Variants in PLCB1 observed in about 807,000 individuals in gnomAD.
PLCB1 encodes the protein 1-phosphatidylinositol 4,5-bisphosphate phosphodiesterase beta-1.
PLCB1 carries 46 observed loss-of-function variants against 161.8 expected under a neutral mutation model. That is an observed-to-expected ratio of 0.28 (90% CI 0.22 to 0.36). The LOEUF (loss-of-function observed/expected upper bound fraction) is 0.36. Ranked by LOEUF, PLCB1 falls within the 10% of genes least tolerant of loss-of-function variation. The probability of loss-of-function intolerance (pLI) is 1.00; values close to 1 mark genes in which losing one functional copy is unlikely to be tolerated. For synonymous variants in PLCB1, 517 were observed against 503.7 expected, an observed-to-expected ratio of 1.03 and a Z score of -0.35; for missense variants, 1,016 against 1,472.5, an observed-to-expected ratio of 0.69 and a Z score of 5.07.
intron 3 of PLCB1, among the ~76,000 whole-genome samples, chr20:8,385,971 C>G (rs1235559682): frequency 6.6e-6 from 1 of 152,216 alleles, no homozygotes; most frequent in Non-Finnish European, 1.5e-5. Context: ...GCCCTGCCTC[C>G]CCGTTCAAGT....
At position 8,786,499 on chromosome 20, in the gene PLCB1, C is replaced by T. The variant is rs927705131; in HGVS notation, c.3112-1950C>T. On this transcript the variant is annotated intron_variant, in intron 27 of 31. Coordinates refer to ENST00000338037, the MANE Select transcript of PLCB1 (RefSeq NM_015192.4). ...TTTTAAACGAATGTGGATTCCGTAT[C>T]GTAATTCTCTTGCAAGCCATGGAAC... Among the ~76,000 whole-genome samples, 20 of 152,212 alleles carry T rather than the reference C, an allele frequency of 1.3e-4. No individual in the cohort carries two copies. In the East Asian group the frequency reaches 3.7e-3, roughly 28 times the overall value.
rs372430821 is a variant in PLCB1, at chr20:8,857,447, A to T, written c.3424-24175A>T. On this transcript the variant is annotated intron_variant, in intron 31 of 31. Coordinates refer to ENST00000338037, the MANE Select transcript of PLCB1 (RefSeq NM_015192.4). Reference sequence around the variant, plus strand: ...TTCCATGAATGTATCGCACTTATCCATTCTACTGTCAGTTTGCATTTAGTG... The same window carrying T: ...TTCCATGAATGTATCGCACTTATCCTTTCTACTGTCAGTTTGCATTTAGTG... Among the ~76,000 whole-genome samples, 32 of 152,328 alleles carry T rather than the reference A, an allele frequency of 2.1e-4. No individual in the cohort carries two copies. The East Asian group carries it at 5.6e-3, about 27-fold the overall frequency.
chr20:8,851,340 C>A lies in PLCB1; in HGVS notation c.3424-30282C>A, dbSNP rs116465894. On this transcript the variant is annotated intron_variant, in intron 31 of 31. Transcript: ENST00000338037. The stretch of plus-strand genomic sequence containing the variant: ...TTTGCATTTAATAACTGCTAATTTC[C>A]TGTTATTCAAGGTCCCTAGCAATTT... 1.2e-3 allele frequency among the ~76,000 whole-genome samples: 186 copies of A among 152,274 alleles called. 1 individual carries two copies. Among genetic ancestry groups the A allele is most frequent in the African/African-American group, 4.2e-3 (173 of 41,562 alleles).
chr20:8,342,655 T>C (rs1459470309), intron 2 of PLCB1, among the ~76,000 whole-genome samples: 4 of 152,222 alleles, frequency 2.6e-5, no homozygotes, highest in African/African-American at 9.6e-5. Context: ...AGAGCCAGTC[T>C]GCCTAGAAAC....
intron 3 of PLCB1, among the ~76,000 whole-genome samples, chr20:8,403,117 C>T (rs1013936402): frequency 6.6e-6 from 1 of 152,104 alleles, no homozygotes; most frequent in Non-Finnish European, 1.5e-5. Context: ...AAATAGTTGA[C>T]ATCTCTTATA....
chr20:8,551,611 G>A (rs957441221), intron 3 of PLCB1, among the ~76,000 whole-genome samples: 3 of 152,090 alleles, frequency 2.0e-5, no homozygotes, highest in African/African-American at 7.2e-5. Flanking sequence ...TCCAGAGGCA[G>A]CCCTCAAACC....
chr20:8,690,382 G>A (rs1990449192), intron 10 of PLCB1, among the ~76,000 whole-genome samples: 1 of 152,130 alleles, frequency 6.6e-6, no homozygotes, highest in Admixed American at 6.5e-5. Context: ...CCAGAAGCTA[G>A]GATTTTTCAA....
intron 2 of PLCB1, among the ~76,000 whole-genome samples, chr20:8,192,585 T>G (rs972286193): frequency 6.6e-6 from 1 of 151,724 alleles, no homozygotes; most frequent in Non-Finnish European, 1.5e-5. Flanking sequence ...ACCTCATCCC[T>G]AAGCCAGTTA....
intron 3 of PLCB1, among the ~76,000 whole-genome samples, chr20:8,416,722 T>G (rs542272914): frequency 6.6e-6 from 1 of 152,124 alleles, no homozygotes; most frequent in African/African-American, 2.4e-5. Flanking sequence ...TTGAGCCAAG[T>G]TTTGAAATGT....
chr20:8,819,315 G>T (rs557390755), intron 31 of PLCB1, among the ~76,000 whole-genome samples: 1 of 152,040 alleles, frequency 6.6e-6, no homozygotes, highest in East Asian at 1.9e-4. Flanking sequence ...TATTGATATG[G>T]AAAAAAACTA....
chr20:8,633,227 C>T (rs534082534), intron 4 of PLCB1, among the ~76,000 whole-genome samples: 14 of 151,454 alleles, frequency 9.2e-5, no homozygotes, highest in Non-Finnish European at 1.6e-4. Flanking sequence ...GAATCAAAGA[C>T]GATGTTAAAG....
intron 6 of PLCB1, 121 bp from the exon 7 acceptor site, chr20:8,649,253 T>A (rs1989247375): frequency 1.6e-6 from 1 of 630,976 alleles, no homozygotes; most frequent in Admixed American, 2.6e-5. Flanking sequence ...ATCTTTTAGT[T>A]CTTTAAATAT....
chr20:8,447,969 C>A (rs1980911274), intron 3 of PLCB1, among the ~76,000 whole-genome samples: 1 of 152,316 alleles, frequency 6.6e-6, no homozygotes, highest in South Asian at 2.1e-4. Flanking sequence ...TCAAATCAGG[C>A]CCTTGGCAAA....
intron 1 of PLCB1, among the ~76,000 whole-genome samples, chr20:8,138,975 A>G (rs1015057914): frequency 6.7e-6 from 1 of 149,826 alleles, no homozygotes; most frequent in Admixed American, 6.7e-5. Flanking sequence ...TGAGTAACAA[A>G]CTATTATATA....
Position 8,371,368 on chromosome 20 carries a change from T to C in PLCB1, c.178-14T>C, listed in dbSNP as rs747107221. On this transcript the variant is annotated splice_polypyrimidine_tract_variant and intron_variant, in intron 2 of 31. Transcript: ENST00000338037. The stretch of plus-strand genomic sequence containing the variant: ...TGTGTCGTTGCTTAACGATTTCACG[T>C]TTTTGCCTTCCAGGAGACAGAGCTA... 1.2e-6 allele frequency: 2 copies of C among 1,602,388 alleles called. No individual in the cohort carries two copies. The highest frequency in any genetic ancestry group is 8.5e-7 in the Non-Finnish European group (1 of 1,172,812).
chr20:8,427,801 G>A (rs1979851990), intron 3 of PLCB1, among the ~76,000 whole-genome samples: 1 of 152,178 alleles, frequency 6.6e-6, no homozygotes, highest in African/African-American at 2.4e-5. Flanking sequence ...GCTGGCGTCA[G>A]TAGTTTTACT....
At chr20:8,320,867 A>G (rs1419360885) in intron 2 of PLCB1, among the ~76,000 whole-genome samples, 2 of 150,634 alleles carry the variant, frequency 1.3e-5, no homozygotes, top group Admixed American at 6.6e-5. Flanking sequence ...GAGAGAAAGA[A>G]AAGAAAGAAA....
intron 3 of PLCB1, among the ~76,000 whole-genome samples, chr20:8,441,099 A>G (rs955151776): frequency 2.6e-5 from 4 of 152,218 alleles, no homozygotes; most frequent in Non-Finnish European, 5.9e-5. Flanking sequence ...GTATATACCC[A>G]CAAATACGTG....
chr20:8,542,913 T>C (rs1485413612), intron 3 of PLCB1, among the ~76,000 whole-genome samples: 1 of 152,222 alleles, frequency 6.6e-6, no homozygotes, highest in Non-Finnish European at 1.5e-5. Context: ...CATTCACTCA[T>C]GTATTCATTT....
Sources: gnomAD v4.1 joint callset for allele counts (sites outside exome capture counted in the v4.1 genomes callset) on GRCh38, gnomAD v4.1.1 for gene constraint, MANE v1.5 for transcripts, NCBI Gene and HGNC (gene_info 2026-07-23, HGNC 2026-07-21) for gene names.